The following BCOR variants were observed in gnomAD, a reference collection of about 807,000 sequenced individuals.
BCOR encodes the protein BCL-6 corepressor.
A neutral mutation model predicts 86.7 loss-of-function variants in BCOR; 10 were observed. The ratio of observed to expected loss-of-function variants is 0.12; its 90% CI spans 0.07 to 0.20. The LOEUF (loss-of-function observed/expected upper bound fraction) is 0.20, where lower values mean the gene tolerates loss of function less well. Ranked by LOEUF, BCOR falls within the 10% of genes least tolerant of loss-of-function variation. The pLI, the probability that BCOR is intolerant of heterozygous loss-of-function variation, is 1.00. For synonymous variants in BCOR, 611 were observed against 609.0 expected, an observed-to-expected ratio of 1.00 and a Z score of -0.05; for missense variants, 1,259 against 1,452.1, an observed-to-expected ratio of 0.87 and a Z score of 2.16.
chrX:40,124,356 T>C (rs1332929485), intron 1 of BCOR, among the ~76,000 whole-genome samples: 2 of 109,554 alleles, frequency 1.8e-5, no homozygotes, highest in African/African-American at 6.7e-5. Context: ...CACTACAACC[T>C]TCACCTCCTG....
intron 1 of BCOR, among the ~76,000 whole-genome samples, chrX:40,149,609 G>T (rs1214410457): frequency 9.0e-6 from 1 of 111,478 alleles, no homozygotes; most frequent in Non-Finnish European, 1.9e-5. Flanking sequence ...GGGGAGGTAC[G>T]GTTTGTTTCC....
chrX:40,084,712 CA>C (rs200192012), intron 1 of BCOR, among the ~76,000 whole-genome samples: 10,443 of 99,155 alleles, frequency 0.11, 1,365 homozygotes, highest in African/African-American at 0.36. Context: ...CACCCCCCCC[CA>C]CCACCACCAC....
chrX:40,154,589 C>G (rs1055095095), intron 1 of BCOR, among the ~76,000 whole-genome samples: 2 of 109,258 alleles, frequency 1.8e-5, no homozygotes, highest in African/African-American at 6.7e-5. Flanking sequence ...ACGTCCCCCC[C>G]ACCCCACCTT....
At chrX:40,150,360 T>G (rs1237482925) in intron 1 of BCOR, among the ~76,000 whole-genome samples, 1 of 112,373 alleles carries the variant, frequency 8.9e-6, no homozygotes, top group Non-Finnish European at 1.9e-5. Flanking sequence ...AAATGTCATC[T>G]TAGACACCAA....
intron 4 of BCOR, 118 bp downstream of exon 4, chrX:40,072,231 C>T (rs56024754): frequency 2.6e-6 from 2 of 771,393 alleles, no homozygotes; most frequent in Non-Finnish European, 3.8e-6. Context: ...CAAATTACCA[C>T]AAGCTTCATT....
chrX:40,172,453 G>A (rs774559603), intron 1 of BCOR, among the ~76,000 whole-genome samples: 17 of 113,447 alleles, frequency 1.5e-4, no homozygotes, highest in African/African-American at 4.1e-4. Context: ...CTCTTCCCTG[G>A]CGCAGCACAC....
At chrX:40,148,616 G>A (rs926634890) in intron 1 of BCOR, among the ~76,000 whole-genome samples, 10 of 111,581 alleles carry the variant, frequency 9.0e-5, no homozygotes, top group African/African-American at 3.3e-4. Flanking sequence ...CTGCAGGAGA[G>A]AGGGAGTATA....
chrX:40,123,506 C>T (rs1475584758), intron 1 of BCOR, among the ~76,000 whole-genome samples: 1 of 110,817 alleles, frequency 9.0e-6, no homozygotes, highest in Non-Finnish European at 1.9e-5. Context: ...GCATGCATCA[C>T]CATGCCCGGC....
At chrX:40,078,883 T>A (rs1297969416) in intron 1 of BCOR, among the ~76,000 whole-genome samples, 2 of 98,950 alleles carry the variant, frequency 2.0e-5, no homozygotes, top group Non-Finnish European at 4.0e-5. Flanking sequence ...GTTTGCTGCA[T>A]GAGTGAAGGG....
chrX:40,058,628 C>A (rs780082925), intron 10 of BCOR, among the ~76,000 whole-genome samples: 11 of 112,298 alleles, frequency 9.8e-5, no homozygotes, highest in African/African-American at 3.2e-4. Flanking sequence ...GTTCTAGATG[C>A]TCCCCCTGTG....
chrX:40,096,228 C>G (rs1324822865), intron 1 of BCOR, among the ~76,000 whole-genome samples: 1 of 111,961 alleles, frequency 8.9e-6, no homozygotes, highest in African/African-American at 3.2e-5. Flanking sequence ...CTTTCACACG[C>G]CCATCAGGGC....
At chrX:40,144,660 T>A (rs1344890819) in intron 1 of BCOR, among the ~76,000 whole-genome samples, 1 of 112,187 alleles carries the variant, frequency 8.9e-6, no homozygotes, top group Non-Finnish European at 1.9e-5. Context: ...CCCTCCACTT[T>A]GTTCTTCAGA....
intron 1 of BCOR, among the ~76,000 whole-genome samples, chrX:40,094,396 G>C (rs971361786): frequency 8.9e-6 from 1 of 112,844 alleles, no homozygotes; most frequent in Non-Finnish European, 1.9e-5. Flanking sequence ...CCCGGGGAGC[G>C]TGACGGTGCC....
At position 40,062,191 on chromosome X, in the gene BCOR, T is replaced by C. The variant is rs199538037; in HGVS notation, c.4376A>G (p.Asn1459Ser). 2.5e-6 allele frequency: 3 copies of C among 1,206,432 alleles called. No individual in the cohort carries two copies. The highest frequency in any genetic ancestry group is 1.8e-5 in the African/African-American group (1 of 57,027). Residue 1459 changes from asparagine to serine, a missense_variant, in exon 10 of 15, where the codon AAT (asparagine) becomes AGT (serine). Physicochemically the swap from Asn to Ser is conservative, Grantham distance 46. This residue lies in a region of BCOR where 47 missense variants were observed against 102.1 expected (regional missense o/e 0.46). Transcript: ENST00000378444. ...MPPEARRLIV[N>S]KNAGETLLQR... ...CAGAAGGGTCTCGCCAGCGTTCTTATTGACAATAAGTCTCCGTGCTTCCGG... is the reference window on the plus strand; with the variant it reads ...CAGAAGGGTCTCGCCAGCGTTCTTACTGACAATAAGTCTCCGTGCTTCCGG...
intron 1 of BCOR, among the ~76,000 whole-genome samples, chrX:40,173,930 A>C (rs778531240): frequency 5.3e-5 from 6 of 113,043 alleles, no homozygotes; most frequent in Non-Finnish European, 9.4e-5. Flanking sequence ...TTACTGGTGC[A>C]CAGATGCAAA....
chrX:40,123,649 G>A (rs946502620), intron 1 of BCOR, among the ~76,000 whole-genome samples: 3 of 110,829 alleles, frequency 2.7e-5, no homozygotes, highest in African/African-American at 6.6e-5. Flanking sequence ...CACCGCGCCC[G>A]GCCTTCTTTT....
At chrX:40,160,492 C>T (rs943256882) in intron 1 of BCOR, among the ~76,000 whole-genome samples, 12 of 95,452 alleles carry the variant, frequency 1.3e-4, no homozygotes, top group Non-Finnish European at 1.8e-4. Context: ...AGTGCAGCGG[C>T]GCGACAGAGC....
chrX:40,080,866 T>G (rs1275713551), intron 1 of BCOR, among the ~76,000 whole-genome samples: 1 of 57,163 alleles, frequency 1.7e-5, no homozygotes, highest in South Asian at 9.8e-4. Context: ...GTGTGTGTGT[T>G]TTGGGAGGGA....
In BCOR at chrX:40,064,317, C is replaced by T. The variant is rs376361422; in HGVS notation, c.3502+19G>A. The T allele has an allele frequency of 1.0e-4, 126 of 1,210,724 alleles. No individual in the cohort carries two copies. The highest frequency in any genetic ancestry group is 1.6e-4 in the African/African-American group (9 of 57,506). On this transcript the variant is annotated intron_variant, in intron 7 of 14. Coordinates refer to ENST00000378444, the MANE Select transcript of BCOR (RefSeq NM_001123385.2). ...AAAGGCCCACCCCCCGGCAGGCGGGCGAAGCAGACAGGGCTCACCTTTAGA... is the reference window on the plus strand; with the variant it reads ...AAAGGCCCACCCCCCGGCAGGCGGGTGAAGCAGACAGGGCTCACCTTTAGA...
Sources: allele counts gnomAD v4.1 joint callset (sites outside exome capture counted in the v4.1 genomes callset), GRCh38; gene constraint gnomAD v4.1.1; regional missense constraint gnomAD v4.1.1; transcripts MANE v1.5; gene names NCBI Gene and HGNC (gene_info 2026-07-23, HGNC 2026-07-21).